Variants in ULBP3 observed in about 807,000 individuals in gnomAD.
ULBP3 encodes UL16-binding protein 3.
In ULBP3, 25 loss-of-function variants were observed where a neutral mutation model predicts 24.9. The ratio of observed to expected loss-of-function variants is 1.00; its 90% CI spans 0.73 to 1.40. The LOEUF is 1.40. Among genes scored for constraint, ULBP3 ranks in the 40% most tolerant of loss-of-function variants. The probability of loss-of-function intolerance (pLI) is 0.00; values close to 1 mark genes in which losing one functional copy is unlikely to be tolerated. For missense variants in ULBP3, 306 were observed against 307.5 expected, an observed-to-expected ratio of 1.00 and a Z score of 0.04; for synonymous variants, 114 against 114.7, an observed-to-expected ratio of 0.99 and a Z score of 0.04.
intron 4 of ULBP3, among the ~76,000 whole-genome samples, chr6:150,063,692 G>A (rs1437204210): frequency 1.3e-5 from 2 of 152,226 alleles, no homozygotes; most frequent in African/African-American, 4.8e-5. Context: ...CTGGATCCAT[G>A]TTCCCTGGCC....
chr6:150,068,933 C>T (rs770629932), intron 1 of ULBP3, 46 bp downstream of exon 1: 3 of 1,546,322 alleles, frequency 1.9e-6, no homozygotes, highest in Middle Eastern at 1.7e-4. Flanking sequence ...TCCACAGCCC[C>T]CCAGGTTTGG....
In ULBP3 at chr6:150,065,403, G is replaced by A. The variant is rs1776330337; in HGVS notation, c.623C>T (p.Pro208Leu). Residue 208 changes from proline (P) to leucine (L), a missense_variant, in exon 3 of 5, where the codon CCC becomes CTC. Physicochemically the swap from Pro to Leu is moderately conservative, Grantham distance 98. Coordinates refer to ENST00000367339, the MANE Select transcript of ULBP3 (RefSeq NM_024518.3). Reference sequence around the variant, plus strand: ...AGTGCTCCCCTGTCAGTTACCTGTGGGTTCCAGCCTCTTCTTCCTGTGCAT... The same window carrying A: ...AGTGCTCCCCTGTCAGTTACCTGTGAGTTCCAGCCTCTTCTTCCTGTGCAT... ...FLMHRKKRLE[P>L]TAPPTMAPGL... The A allele has an allele frequency of 2.5e-6, 4 of 1,613,614 alleles. No homozygotes were observed. The highest frequency in any genetic ancestry group is 3.4e-6 in the Non-Finnish European group (4 of 1,179,744).
intron 4 of ULBP3, 143 bp downstream of exon 4, chr6:150,064,442 A>C: frequency 1.4e-6 from 1 of 728,024 alleles, no homozygotes; most frequent in Non-Finnish European, 2.4e-6. Flanking sequence ...CAAACAGGCG[A>C]CACCAGGTCT....
chr6:150,061,670 G>A lies in ULBP3; in HGVS notation c.*1704C>T, dbSNP rs1191645824. Among the ~76,000 whole-genome samples, 1 of 152,178 alleles carries A rather than the reference G, an allele frequency of 6.6e-6. No individual in the cohort carries two copies. Among genetic ancestry groups the A allele is most frequent in the Non-Finnish European group, 1.5e-5 (1 of 68,036 alleles). Reference sequence around the variant, plus strand: ...CAATTCAGTGTTGCTGGGCACTTAGGTTGATTCTGTGTCCTTGCTAGTAAG... The same window carrying A: ...CAATTCAGTGTTGCTGGGCACTTAGATTGATTCTGTGTCCTTGCTAGTAAG... On this transcript the variant is annotated 3_prime_UTR_variant, in exon 5 of 5. Coordinates refer to ENST00000367339, the MANE Select transcript of ULBP3 (RefSeq NM_024518.3).
Position 150,065,898 on chromosome 6 carries a change from C to A in ULBP3, c.352+1G>T. The A allele has an allele frequency of 6.2e-7, 1 of 1,614,098 alleles. No individual in the cohort carries two copies. The highest frequency in any genetic ancestry group is 1.1e-5 in the South Asian group (1 of 91,072). On this transcript the variant is annotated splice_donor_variant, in intron 2 of 4. Coordinates refer to ENST00000367339, the MANE Select transcript of ULBP3 (RefSeq NM_024518.3). LOFTEE classifies it high-confidence loss of function. ...TTCTGTCCTTGGTCTCTTTCACTCA[C>A]CACTGGGTGTGAAATCCTCCAGCTC...
In ULBP3 at chr6:150,066,119, G is replaced by A. The variant is rs766246742; in HGVS notation, c.132C>T (p.Pro44=). The part of the protein sequence containing the change: ...LWYNFTIIHL[P]RHGQQWCEVQ... ...CCTCACACCACTGTTGCCCATGTCT[G>A]GGCAAATGAATGATGGTGAAGTTAT... The change falls in exon 2 of 5, where the codon CCC becomes CCT. Residue 44 remains proline, a synonymous_variant. Transcript: ENST00000367339. The A allele has an allele frequency of 5.0e-6, 8 of 1,614,028 alleles. No homozygotes were observed. In the East Asian group the frequency reaches 1.6e-4, roughly 31 times the overall value.
Position 150,062,992 on chromosome 6 carries a change from C to T in ULBP3, c.*382G>A, listed in dbSNP as rs1776291985. On this transcript the variant is annotated 3_prime_UTR_variant, in exon 5 of 5. Transcript: ENST00000367339. ...TGGCGGGTGCCTGTAGTCCCAGCTA[C>T]TCGGGAGGCTGAGGCAGGAGAATGG... Among the ~76,000 whole-genome samples the T allele has an allele frequency of 6.6e-6, 1 of 151,150 alleles. No individual in the cohort carries two copies. The highest frequency in any genetic ancestry group is 1.5e-5 in the Non-Finnish European group (1 of 67,844).
Position 150,065,586 on chromosome 6 carries a change from C to G in ULBP3, c.440G>C (p.Arg147Pro), listed in dbSNP as rs35374376. The G allele has an allele frequency of 2.8e-5, 46 of 1,614,192 alleles. 1 individual carries two copies. In the South Asian group the frequency reaches 3.8e-4, roughly 13 times the overall value. The change falls in exon 3 of 5, where the codon CGG (arginine) becomes CCG (proline). Residue 147 changes from arginine to proline, a missense_variant. Coordinates refer to ENST00000367339, the MANE Select transcript of ULBP3 (RefSeq NM_024518.3). Reference sequence around the variant, plus strand: ...GTTTGAGTCAAAGAGGAGGAACTTCCGTCCATCGAAGCTGAACTGCCAAGA... The same window carrying G: ...GTTTGAGTCAAAGAGGAGGAACTTCGGTCCATCGAAGCTGAACTGCCAAGA... ...RGSWQFSFDG[R>P]KFLLFDSNNR...
At position 150,065,573 on chromosome 6, in the gene ULBP3, G is replaced by C. The variant is rs1325016779; in HGVS notation, c.453C>G (p.Leu151=). The change falls in exon 3 of 5, where the codon CTC becomes CTG. Residue 151 remains leucine (L), a synonymous_variant. Transcript: ENST00000367339. ...TCCACTTTCTGTTGTTTGAGTCAAA[G>C]AGGAGGAACTTCCGTCCATCGAAGC... The part of the protein sequence containing the change: ...QFSFDGRKFL[L]FDSNNRKWTV... 5 of 1,614,178 alleles carry C rather than the reference G, an allele frequency of 3.1e-6. No individual in the cohort carries two copies. Among genetic ancestry groups the C allele is most frequent in the Non-Finnish European group, 4.2e-6 (5 of 1,180,036 alleles).
chr6:150,061,811 G>A lies in ULBP3; in HGVS notation c.*1563C>T, dbSNP rs1027178335. ...GGCTTGAATGGTAGTTCTATTTTAA[G>A]TTCTTGGAGAAATCTCCAAACTGCT... On this transcript the variant is annotated 3_prime_UTR_variant, in exon 5 of 5. Coordinates refer to ENST00000367339, the MANE Select transcript of ULBP3 (RefSeq NM_024518.3). 2.0e-5 allele frequency among the ~76,000 whole-genome samples: 3 copies of A among 152,178 alleles called. No individual in the cohort carries two copies. The highest frequency in any genetic ancestry group is 6.5e-5 in the Admixed American group (1 of 15,276).
In ULBP3 at chr6:150,065,574, A is replaced by T; in HGVS notation, c.452T>A (p.Leu151His). ...QFSFDGRKFL[L>H]FDSNNRKWTV... is the part of the protein sequence containing the mutation. ...CCACTTTCTGTTGTTTGAGTCAAAG[A>T]GGAGGAACTTCCGTCCATCGAAGCT... The change falls in exon 3 of 5, where the codon CTC (leucine) becomes CAC (histidine). Residue 151 changes from leucine to histidine, a missense_variant. Leu to His is a moderately conservative substitution (Grantham distance 99). Coordinates refer to ENST00000367339, the MANE Select transcript of ULBP3 (RefSeq NM_024518.3). 1 of 1,614,184 alleles carries T rather than the reference A, an allele frequency of 6.2e-7. No individual in the cohort carries two copies. The highest frequency in any genetic ancestry group is 8.5e-7 in the Non-Finnish European group (1 of 1,180,018).
In ULBP3 at chr6:150,068,994, C is replaced by G. The variant is rs143819981; in HGVS notation, c.73G>C (p.Gly25Arg). The G allele has an allele frequency of 5.7e-4, 926 of 1,611,622 alleles. 3 individuals carry two copies. In the African/African-American group the frequency reaches 9.4e-3, roughly 16 times the overall value. The change falls in exon 1 of 5, where the codon GGG (glycine) becomes CGG (arginine). Residue 25 changes from glycine to arginine, a missense_variant. Physicochemically the swap from Gly to Arg is moderately radical, Grantham distance 125. Coordinates refer to ENST00000367339, the MANE Select transcript of ULBP3 (RefSeq NM_024518.3). ...ILPYLLFDWSGTGRADAHSLW... is the reference protein window; with the variant it reads ...ILPYLLFDWSRTGRADAHSLW... Reference sequence around the variant, plus strand: ...CCGAACTCACCGGCCCGCCCCGTCCCGGACCAGTCGAATAGCAGGTACGGA... The same window carrying G: ...CCGAACTCACCGGCCCGCCCCGTCCGGGACCAGTCGAATAGCAGGTACGGA...
Position 150,065,896 on chromosome 6 carries a change from C to T in ULBP3, c.352+3G>A, listed in dbSNP as rs1249506946. On this transcript the variant is annotated splice_donor_region_variant and intron_variant, in intron 2 of 4. Transcript: ENST00000367339. ...CCTTCTGTCCTTGGTCTCTTTCACT[C>T]ACCACTGGGTGTGAAATCCTCCAGC... is the stretch of plus-strand genomic sequence containing the variant. 3.1e-6 allele frequency: 5 copies of T among 1,614,050 alleles called. No individual in the cohort carries two copies. Among genetic ancestry groups the T allele is most frequent in the Non-Finnish European group, 4.2e-6 (5 of 1,180,026 alleles).
intron 1 of ULBP3, among the ~76,000 whole-genome samples, chr6:150,066,915 G>A (rs1196816333): frequency 6.6e-6 from 1 of 152,090 alleles, no homozygotes. Context: ...TGGGCTCCCA[G>A]TAGTAATGGG....
chr6:150,065,246 C>A, intron 3 of ULBP3, 152 bp downstream of exon 3: 1 of 1,134,196 alleles, frequency 8.8e-7, no homozygotes, highest in Non-Finnish European at 1.2e-6. Context: ...CATGTTCTTA[C>A]ACTCACTCAA....
At position 150,063,124 on chromosome 6, in the gene ULBP3, CAAAA is replaced by C. The variant is rs61195794; in HGVS notation, c.*246_*249del. ...ACTCCGTCTCAAAAAAAAAAAAAAA[CAAAA>C]AAAAAAAAAGAAAAATGGCTGCTGG... On this transcript the variant is annotated 3_prime_UTR_variant, in exon 5 of 5. Transcript: ENST00000367339. 12,037 of 86,036 alleles carry C rather than the reference CAAAA, an allele frequency of 0.14. 685 individuals carry two copies. The highest frequency in any genetic ancestry group is 0.27 in the Middle Eastern group (40 of 150). The allele number at this position is 86,036 out of a possible 1,614,324, so 5.3% of individuals were successfully genotyped here. A position where few individuals can be genotyped will look rare whatever the true frequency, so the allele number is the denominator to read the frequency against.
intron 1 of ULBP3, among the ~76,000 whole-genome samples, 174 bp from the exon 2 acceptor site, chr6:150,066,336 C>T (rs1485915675): frequency 2.0e-5 from 3 of 152,120 alleles, no homozygotes; most frequent in South Asian, 2.1e-4. Flanking sequence ...TCTATCTCCC[C>T]ACTCTGCCCA....
In ULBP3 at chr6:150,068,977, A is replaced by C. The variant is rs1193277366; in HGVS notation, c.88+2T>G. The C allele has an allele frequency of 5.6e-6, 9 of 1,603,700 alleles. No homozygotes were observed. Among genetic ancestry groups the C allele is most frequent in the Non-Finnish European group, 7.7e-6 (9 of 1,173,910 alleles). On this transcript the variant is annotated splice_donor_variant, in intron 1 of 4. Transcript: ENST00000367339. LOFTEE classifies it high-confidence loss of function. ...CCGCTTAGGCTCCATCCCCGAACTC[A>C]CCGGCCCGCCCCGTCCCGGACCAGT... is the stretch of plus-strand genomic sequence containing the variant.
rs1322809393 is a variant in ULBP3 at position 150,066,018 on chromosome 6, A to G, written c.233T>C (p.Leu78Pro). 1 of 1,614,188 alleles carries G rather than the reference A, an allele frequency of 6.2e-7. No homozygotes were observed. Among genetic ancestry groups the G allele is most frequent in the Non-Finnish European group, 8.5e-7 (1 of 1,180,032 alleles). The change falls in exon 2 of 5, where the codon CTA becomes CCA. Residue 78 changes from leucine to proline, a missense_variant. By Grantham distance (98) the Leu-to-Pro change is moderately conservative. Transcript: ENST00000367339. ...ATCTGTGGCATACAGCTGCTCTTCTAGGTGACCCATAGATAAGACCTTGTC... is the reference window on the plus strand; with the variant it reads ...ATCTGTGGCATACAGCTGCTCTTCTGGGTGACCCATAGATAAGACCTTGTC... ...GSDKVLSMGH[L>P]EEQLYATDAW...
Sources: gnomAD v4.1 joint callset for allele counts (sites outside exome capture counted in the v4.1 genomes callset) on GRCh38, gnomAD v4.1.1 for gene constraint, MANE v1.5 for transcripts, NCBI Gene and HGNC (gene_info 2026-07-23, HGNC 2026-07-21) for gene names.